The following MYO5B variants were observed in gnomAD, a reference collection of about 807,000 sequenced individuals.
MYO5B encodes unconventional myosin-Vb.
MYO5B carries 143 observed loss-of-function variants against 229.3 expected under a neutral mutation model. The observed-to-expected ratio is 0.62, with a 90% CI of 0.54 to 0.72. The LOEUF is 0.72. Among genes scored for constraint, MYO5B ranks in the 30% least tolerant of loss-of-function variants. The probability of loss-of-function intolerance (pLI) is 0.00; values close to 1 mark genes in which losing one functional copy is unlikely to be tolerated. For missense variants in MYO5B, 2,321 were observed against 2,331.0 expected, an observed-to-expected ratio of 1.00 and a Z score of 0.09; for synonymous variants, 918 against 885.2, an observed-to-expected ratio of 1.04 and a Z score of -0.66.
intron 2 of MYO5B, among the ~76,000 whole-genome samples, chr18:50,052,231 T>C (rs925125869): frequency 3.9e-5 from 6 of 152,122 alleles, no homozygotes; most frequent in African/African-American, 1.4e-4. Context: ...CTATAAATCA[T>C]GCTGCTATAA....
At chr18:50,194,090 C>T (rs1197197270) in intron 1 of MYO5B, among the ~76,000 whole-genome samples, 1 of 152,218 alleles carries the variant, frequency 6.6e-6, no homozygotes, top group Admixed American at 6.5e-5. Flanking sequence ...GAGGCCGCGT[C>T]AAAACATCCA....
At chr18:50,001,951 G>A (rs71357217) in intron 4 of MYO5B, among the ~76,000 whole-genome samples, 67 of 149,926 alleles carry the variant, frequency 4.5e-4, no homozygotes, top group Non-Finnish European at 7.1e-4. Context: ...CAGAAGGATC[G>A]CTTGAACCGA....
At chr18:49,832,670 A>G (rs1306890638) in intron 39 of MYO5B, among the ~76,000 whole-genome samples, 1 of 152,190 alleles carries the variant, frequency 6.6e-6, no homozygotes, top group East Asian at 1.9e-4. Flanking sequence ...CATTACCTGA[A>G]TTATGAATAG....
intron 1 of MYO5B, among the ~76,000 whole-genome samples, chr18:50,090,194 G>C (rs957675138): frequency 4.6e-5 from 7 of 151,970 alleles, no homozygotes; most frequent in Admixed American, 3.9e-4. Context: ...AAAGAACCCT[G>C]GTGTTCCTCC....
intron 14 of MYO5B, among the ~76,000 whole-genome samples, chr18:49,948,469 A>G (rs1384175780): frequency 1.3e-5 from 2 of 152,212 alleles, no homozygotes; most frequent in African/African-American, 4.8e-5. Context: ...TTTGTCAACT[A>G]AAAAGTTATC....
intron 9 of MYO5B, among the ~76,000 whole-genome samples, chr18:49,975,376 T>C (rs1196729280): frequency 1.3e-5 from 2 of 152,172 alleles, no homozygotes; most frequent in East Asian, 1.9e-4. Flanking sequence ...GTTTCTGAAA[T>C]TGTATATGAT....
intron 4 of MYO5B, among the ~76,000 whole-genome samples, chr18:50,027,695 A>G (rs1337356421): frequency 6.6e-6 from 1 of 152,338 alleles, no homozygotes; most frequent in Admixed American, 6.5e-5. Context: ...CTCCATGCAC[A>G]TTACAGGAAT....
At chr18:49,924,213 T>C (rs966461050) in intron 17 of MYO5B, among the ~76,000 whole-genome samples, 109 of 152,328 alleles carry the variant, frequency 7.2e-4, no homozygotes, top group African/African-American at 2.4e-3. Context: ...AGACACATTC[T>C]ACCCAGATAG....
At chr18:50,031,538 T>C (rs529324208) in intron 4 of MYO5B, among the ~76,000 whole-genome samples, 8 of 152,264 alleles carry the variant, frequency 5.3e-5, no homozygotes, top group African/African-American at 1.7e-4. Flanking sequence ...ACAAAAGAAA[T>C]AGAACATAAC....
At chr18:49,834,449 G>A (rs7244073) in intron 39 of MYO5B, among the ~76,000 whole-genome samples, 11,016 of 152,196 alleles carry the variant, frequency 0.072, 900 homozygotes, top group East Asian at 0.29. Flanking sequence ...GAATCACTGC[G>A]ACATGACTAT....
chr18:49,957,517 T>A (rs2025507471), intron 12 of MYO5B, among the ~76,000 whole-genome samples: 1 of 151,966 alleles, frequency 6.6e-6, no homozygotes, highest in African/African-American at 2.4e-5. Flanking sequence ...ATGGTGGCAC[T>A]TGCCTGTAGC....
intron 1 of MYO5B, among the ~76,000 whole-genome samples, chr18:50,102,634 A>T (rs974755583): frequency 1.3e-5 from 2 of 152,104 alleles, no homozygotes; most frequent in Non-Finnish European, 2.9e-5. Flanking sequence ...CAGAAGAGAG[A>T]ATCAGAACCT....
At chr18:50,133,978 G>A (rs2032294944) in intron 1 of MYO5B, among the ~76,000 whole-genome samples, 1 of 152,144 alleles carries the variant, frequency 6.6e-6, no homozygotes, top group East Asian at 1.9e-4. Flanking sequence ...AAAAGATGGG[G>A]CAATGAAAAT....
intron 10 of MYO5B, among the ~76,000 whole-genome samples, chr18:49,969,029 C>A (rs2025658400): frequency 6.6e-6 from 1 of 152,132 alleles, no homozygotes; most frequent in Admixed American, 6.5e-5. Context: ...ATGAGGCTTT[C>A]CTAGGAGGCT....
intron 17 of MYO5B, among the ~76,000 whole-genome samples, chr18:49,921,974 T>G (rs2025080594): frequency 6.6e-6 from 1 of 152,244 alleles, no homozygotes; most frequent in African/African-American, 2.4e-5. Context: ...CTGTGCAAAG[T>G]TGTATGGTTA....
intron 18 of MYO5B, among the ~76,000 whole-genome samples, chr18:49,907,899 A>T (rs990091468): frequency 6.6e-6 from 1 of 152,208 alleles, no homozygotes; most frequent in African/African-American, 2.4e-5. Flanking sequence ...CTGGGCCTTC[A>T]GCTCATGCTG....
chr18:50,047,645 G>A (rs908559194), intron 2 of MYO5B, among the ~76,000 whole-genome samples: 2 of 152,122 alleles, frequency 1.3e-5, no homozygotes, highest in African/African-American at 4.8e-5. Context: ...GCACACGTAT[G>A]TTTATTGCGG....
At chr18:49,936,188 C>G (rs914600759) in intron 16 of MYO5B, 64 bp downstream of exon 16, 1 of 1,416,640 alleles carries the variant, frequency 7.1e-7, no homozygotes, top group African/African-American at 1.4e-5. Flanking sequence ...AAGGCCTGGG[C>G]CACCCTGTTC....
intron 1 of MYO5B, among the ~76,000 whole-genome samples, chr18:50,068,048 C>CACATAT (rs1177411661): frequency 6.6e-6 from 1 of 151,566 alleles, no homozygotes; most frequent in African/African-American, 2.4e-5. Context: ...CACATATACA[C>CACATAT]ACACACACAC....
Sources: gnomAD v4.1 joint callset for allele counts (sites outside exome capture counted in the v4.1 genomes callset) on GRCh38, gnomAD v4.1.1 for gene constraint, MANE v1.5 for transcripts, NCBI Gene and HGNC (gene_info 2026-07-23, HGNC 2026-07-21) for gene names.